Variants in COA8 observed in about 807,000 individuals in gnomAD.
The protein encoded by COA8 is cytochrome c oxidase assembly factor 8.
COA8 carries 20 observed loss-of-function variants against 22.0 expected under a neutral mutation model. That is an observed-to-expected ratio of 0.91 (90% CI 0.64 to 1.32). COA8 has a LOEUF of 1.32. Among genes scored for constraint, COA8 ranks in the 40% most tolerant of loss-of-function variants. COA8 has a pLI of 0.00. For synonymous variants in COA8, 105 were observed against 79.9 expected (o/e 1.31, Z -1.68); for missense variants, 266 against 230.0 (o/e 1.16, Z -1.01).
intron 3 of COA8, among the ~76,000 whole-genome samples, chr14:103,578,749 C>G (rs933781025): frequency 1.3e-5 from 2 of 152,148 alleles, no homozygotes; most frequent in Admixed American, 1.3e-4. Context: ...GTGTTTGAGC[C>G]AAATGCAAGG....
At chr14:103,583,810 G>A (rs1471013245) in intron 3 of COA8, among the ~76,000 whole-genome samples, 1 of 152,154 alleles carries the variant, frequency 6.6e-6, no homozygotes, top group Non-Finnish European at 1.5e-5. Context: ...TGGGCCACTT[G>A]TCCCTCTGCC....
intron 4 of COA8, 136 bp downstream of exon 4, chr14:103,587,500 C>CT (rs1363532322): frequency 1.6e-5 from 7 of 439,134 alleles, no homozygotes; most frequent in South Asian, 1.1e-4. Context: ...TTTTTTTTTT[C>CT]TTTTTTTCTT....
rs559135977 is a variant in COA8, at chr14:103,569,866, T to G, written c.124-1757T>G. ...TAGGTTTTGGTTTTTTGTTTGTTTG[T>G]TTTTTTTTGAGACGGAGTCTCGCTC... On this transcript the variant is annotated intron_variant, in intron 1 of 4. Transcript: ENST00000409074. Among the ~76,000 whole-genome samples, 19 of 145,792 alleles carry G rather than the reference T, an allele frequency of 1.3e-4. No individual in the cohort carries two copies. The South Asian group carries it at 3.1e-3, about 24-fold the overall frequency.
At chr14:103,587,404 TC>T in intron 4 of COA8, 40 bp downstream of exon 4, 1 of 1,410,880 alleles carries the variant, frequency 7.1e-7, no homozygotes, top group South Asian at 1.2e-5. Flanking sequence ...GAATAGCACA[TC>T]CAGATTAGGT....
intron 3 of COA8, among the ~76,000 whole-genome samples, chr14:103,576,669 G>A (rs2076232783): frequency 6.6e-6 from 1 of 152,316 alleles, no homozygotes; most frequent in South Asian, 2.1e-4. Flanking sequence ...CCTTTCTCAT[G>A]CTATAAACTG....
At chr14:103,580,967 T>C (rs916202385) in intron 3 of COA8, among the ~76,000 whole-genome samples, 5 of 152,012 alleles carry the variant, frequency 3.3e-5, no homozygotes, top group African/African-American at 7.3e-5. Context: ...CGGCTAATTT[T>C]TTTTGTATTT....
At chr14:103,588,116 CAAAAAAAA>C (rs1221577064) in intron 4 of COA8, 27 of 64,650 alleles carry the variant, frequency 4.2e-4, no homozygotes, top group African/African-American at 2.1e-3. Flanking sequence ...AACTCCATCT[CAAAAAAAA>C]AAAAAAAAAA....
chr14:103,563,192 G>C, intron 1 of COA8, 68 bp downstream of exon 1: 3 of 1,495,418 alleles, frequency 2.0e-6, no homozygotes, highest in Non-Finnish European at 2.7e-6. Flanking sequence ...CCGGGCCTCG[G>C]GGCCACTCCC....
At position 103,574,249 on chromosome 14, in the gene COA8, G is replaced by A. The variant is rs577396949; in HGVS notation, c.385+79G>A. 6.7e-5 allele frequency: 106 copies of A among 1,590,498 alleles called. 1 individual carries two copies. The South Asian group carries it at 1.1e-3, about 16-fold the overall frequency. Reference sequence around the variant, plus strand: ...CATGAAAAGGGAAAGGAAGGGCGGTGAGAGAGGTGGGGAAGTTCAGGGCGG... The same window carrying A: ...CATGAAAAGGGAAAGGAAGGGCGGTAAGAGAGGTGGGGAAGTTCAGGGCGG... On this transcript the variant is annotated intron_variant, in intron 3 of 4. Transcript: ENST00000409074.
At chr14:103,571,472 C>T (rs1208103760) in intron 1 of COA8, 151 bp from the exon 2 acceptor site, 12 of 727,370 alleles carry the variant, frequency 1.6e-5, no homozygotes, top group Non-Finnish European at 2.4e-5. Flanking sequence ...TACTTGTAAT[C>T]CCAGCACTTT....
Position 103,574,246 on chromosome 14 carries a change from G to A in COA8, c.385+76G>A, listed in dbSNP as rs150059895. 67 of 1,589,552 alleles carry A rather than the reference G, an allele frequency of 4.2e-5. No homozygotes were observed. The East Asian group carries it at 8.5e-4, about 20-fold the overall frequency. ...GTCCATGAAAAGGGAAAGGAAGGGC[G>A]GTGAGAGAGGTGGGGAAGTTCAGGG... is the stretch of plus-strand genomic sequence containing the variant. On this transcript the variant is annotated intron_variant, in intron 3 of 4. Coordinates refer to ENST00000409074, the MANE Select transcript of COA8 (RefSeq NM_001370595.2).
chr14:103,577,264 C>T (rs905504893), intron 3 of COA8, among the ~76,000 whole-genome samples: 4 of 151,918 alleles, frequency 2.6e-5, no homozygotes, highest in African/African-American at 4.8e-5. Context: ...GTTTCGTAGA[C>T]GGAGTTTCAC....
intron 1 of COA8, among the ~76,000 whole-genome samples, chr14:103,568,609 A>ATG (rs2076155283): frequency 1.0e-5 from 1 of 98,412 alleles, no homozygotes; most frequent in South Asian, 3.2e-4. Context: ...ACGTATATAT[A>ATG]TATGTGTGTG....
chr14:103,576,414 G>A (rs2076230924), intron 3 of COA8, among the ~76,000 whole-genome samples: 1 of 152,194 alleles, frequency 6.6e-6, no homozygotes, highest in South Asian at 2.1e-4. Context: ...TTATCTGGAG[G>A]AATGATACCG....
intron 1 of COA8, among the ~76,000 whole-genome samples, chr14:103,570,538 G>A (rs1270412176): frequency 6.6e-6 from 1 of 152,130 alleles, no homozygotes; most frequent in Non-Finnish European, 1.5e-5. Context: ...TTCAAGATCA[G>A]CCTGGTCAAC....
At chr14:103,576,652 T>C (rs2076232677) in intron 3 of COA8, among the ~76,000 whole-genome samples, 1 of 152,256 alleles carries the variant, frequency 6.6e-6, no homozygotes, top group South Asian at 2.1e-4. Context: ...CCTAGGCCAC[T>C]GCCTTACCTT....
intron 3 of COA8, among the ~76,000 whole-genome samples, chr14:103,575,433 T>G (rs897685827): frequency 2.6e-5 from 4 of 152,184 alleles, no homozygotes; most frequent in African/African-American, 4.8e-5. Flanking sequence ...TACAGGGAGC[T>G]GCCTGCTCTG....
chr14:103,584,402 G>A (rs899300452), intron 3 of COA8, among the ~76,000 whole-genome samples: 4 of 152,024 alleles, frequency 2.6e-5, no homozygotes, highest in Non-Finnish European at 5.9e-5. Context: ...CCCCCATCCC[G>A]AAGCAGTACA....
At chr14:103,588,655 A>C (rs1375157322) in intron 4 of COA8, among the ~76,000 whole-genome samples, 1 of 151,818 alleles carries the variant, frequency 6.6e-6, no homozygotes, top group East Asian at 1.9e-4. Flanking sequence ...ACCAGCCTGG[A>C]CAACATGACA....
Sources: gnomAD v4.1 joint callset for allele counts (sites outside exome capture counted in the v4.1 genomes callset) on GRCh38, gnomAD v4.1.1 for gene constraint, MANE v1.5 for transcripts, NCBI Gene and HGNC (gene_info 2026-07-23, HGNC 2026-07-21) for gene names.